KIF26B: variants seen among roughly 807,000 people sequenced by gnomAD.
The protein encoded by KIF26B is kinesin-like protein KIF26B.
Under a neutral mutation model 151.2 loss-of-function variants are expected in KIF26B, and 63 were observed. The ratio of observed to expected loss-of-function variants is 0.42; its 90% CI spans 0.34 to 0.51. The LOEUF is 0.51. KIF26B is among the 20% of genes least tolerant of loss of function. The pLI is 0.07. For synonymous variants in KIF26B, 1,357 were observed against 1,262.1 expected, an observed-to-expected ratio of 1.08 and a Z score of -1.59; for missense variants, 2,813 against 2,913.6, an observed-to-expected ratio of 0.97 and a Z score of 0.79.
chr1:245,331,128 C>T (rs1009751496), intron 2 of KIF26B, among the ~76,000 whole-genome samples: 1 of 151,960 alleles, frequency 6.6e-6, no homozygotes, highest in Non-Finnish European at 1.5e-5. Context: ...ACGTAGGGTA[C>T]GAAGGGCCTG....
intron 10 of KIF26B, 79 bp downstream of exon 10, chr1:245,646,359 G>C: frequency 6.8e-7 from 1 of 1,466,064 alleles, no homozygotes; most frequent in South Asian, 1.3e-5. Flanking sequence ...TCTGTGGAGA[G>C]GTGTGCCACA....
At chr1:245,309,175 A>G (rs1189063863) in intron 2 of KIF26B, among the ~76,000 whole-genome samples, 1 of 152,162 alleles carries the variant, frequency 6.6e-6, no homozygotes, top group African/African-American at 2.4e-5. Context: ...GATTGCCTGG[A>G]ATACCAGGGA....
intron 2 of KIF26B, among the ~76,000 whole-genome samples, chr1:245,273,403 G>A (rs1465498680): frequency 6.9e-6 from 1 of 144,088 alleles, no homozygotes; most frequent in Non-Finnish European, 1.5e-5. Context: ...GGGGAACAGA[G>A]CGAGACTTAT....
At chr1:245,362,397 G>T (rs1046715284) in intron 2 of KIF26B, among the ~76,000 whole-genome samples, 5 of 151,430 alleles carry the variant, frequency 3.3e-5, no homozygotes, top group African/African-American at 1.2e-4. Context: ...AATTAGCCGG[G>T]TGTGGTTGTG....
At position 245,244,766 on chromosome 1, in the gene KIF26B, A is replaced by ACAGACACGCACACT. The variant is rs1670287034; in HGVS notation, c.465+88085_465+88086insGACACGCACACTCA. 6.9e-6 allele frequency among the ~76,000 whole-genome samples: 1 copy of ACAGACACGCACACT among 145,356 alleles called. No homozygotes were observed. On this transcript the variant is annotated intron_variant, in intron 2 of 14. Coordinates refer to ENST00000407071, the MANE Select transcript of KIF26B (RefSeq NM_018012.4). This position sits in a 1 kb window ranked among gnomAD's most constrained non-coding sequence, Gnocchi z 4.2. ...CACAGACACGCACACTCACACACAC[A>ACAGACACGCACACT]CACACACACACACACACACACACAC... is the stretch of plus-strand genomic sequence containing the variant.
intron 3 of KIF26B, among the ~76,000 whole-genome samples, chr1:245,409,674 C>T (rs995635276): frequency 6.6e-6 from 1 of 152,196 alleles, no homozygotes; most frequent in Non-Finnish European, 1.5e-5. Context: ...AGTAATCAAA[C>T]GTCCAGCCCT....
At chr1:245,222,714 A>G (rs996292745) in intron 2 of KIF26B, among the ~76,000 whole-genome samples, 7 of 152,232 alleles carry the variant, frequency 4.6e-5, no homozygotes, top group African/African-American at 1.7e-4. Context: ...GTGGATAAAC[A>G]ATAGAGTTTT....
At chr1:245,277,579 A>G (rs1312246180) in intron 2 of KIF26B, among the ~76,000 whole-genome samples, 1 of 152,160 alleles carries the variant, frequency 6.6e-6, no homozygotes, top group Non-Finnish European at 1.5e-5. Flanking sequence ...CAAGTTTTAG[A>G]TAAGTTATTT....
intron 2 of KIF26B, among the ~76,000 whole-genome samples, chr1:245,156,958 A>G (rs1163302228): frequency 6.6e-6 from 1 of 152,150 alleles, no homozygotes; most frequent in African/African-American, 2.4e-5. Flanking sequence ...GGAGGCCCCC[A>G]GGTGGTCTCT....
intron 2 of KIF26B, among the ~76,000 whole-genome samples, chr1:245,333,829 C>T (rs1489405502): frequency 6.6e-6 from 1 of 152,128 alleles, no homozygotes; most frequent in African/African-American, 2.4e-5. Flanking sequence ...GAAACCCCAT[C>T]TCTACTAAAA....
At position 245,281,746 on chromosome 1, in the gene KIF26B, G is replaced by A. The variant is rs554860000; in HGVS notation, c.466-85088G>A. Among the ~76,000 whole-genome samples, 288 of 151,650 alleles carry A rather than the reference G, an allele frequency of 1.9e-3. 1 individual carries two copies. Among genetic ancestry groups the A allele is most frequent in the African/African-American group, 6.6e-3 (272 of 41,304 alleles). ...GGGTTTTTATGGTTTTAGGTCTAAC[G>A]TTTAAGTCTTTAATCCATCTTGAAT... On this transcript the variant is annotated intron_variant, in intron 2 of 14. Coordinates refer to ENST00000407071, the MANE Select transcript of KIF26B (RefSeq NM_018012.4).
Position 245,319,561 on chromosome 1 carries a change from A to G in KIF26B, c.466-47273A>G, listed in dbSNP as rs1671844892. On this transcript the variant is annotated intron_variant, in intron 2 of 14. Transcript: ENST00000407071. ...AAACACTGATTAAATGTTTTCCTGT[A>G]TCTGGATTACAAACTATTCCGTGAT... is the stretch of plus-strand genomic sequence containing the variant. Among the ~76,000 whole-genome samples, 4 of 151,488 alleles carry G rather than the reference A, an allele frequency of 2.6e-5. No individual in the cohort carries two copies. The South Asian group carries it at 8.3e-4, about 32-fold the overall frequency.
rs1673434177 is a variant in KIF26B, at chr1:245,382,511, G to C, written c.999+15144G>C. Among the ~76,000 whole-genome samples the C allele has an allele frequency of 2.0e-5, 3 of 151,496 alleles. No homozygotes were observed. In the South Asian group the frequency reaches 6.3e-4, roughly 32 times the overall value. On this transcript the variant is annotated intron_variant, in intron 3 of 14. Coordinates refer to ENST00000407071, the MANE Select transcript of KIF26B (RefSeq NM_018012.4). ...AAAGAAATAAATTGTTTTTGGTTCT[G>C]TACACTGTTCTAAGCACAGGTTTGT... is the stretch of plus-strand genomic sequence containing the variant.
chr1:245,586,199 T>G (rs866345044), intron 5 of KIF26B, among the ~76,000 whole-genome samples: 62 of 118,762 alleles, frequency 5.2e-4, no homozygotes, highest in African/African-American at 1.8e-3. Flanking sequence ...GTGTGTGTGT[T>G]TGTTTTAATA....
In KIF26B at chr1:245,686,324, C is replaced by T. The variant is rs771122784; in HGVS notation, c.3341C>T (p.Ala1114Val). The T allele has an allele frequency of 4.3e-6, 7 of 1,613,202 alleles. No homozygotes were observed. The South Asian group carries it at 4.4e-5, about 10-fold the overall frequency. The change falls in exon 12 of 15, where the codon GCG becomes GTG. Residue 1114 changes from alanine to valine, a missense_variant. Transcript: ENST00000407071. This position sits in a 1 kb window ranked among gnomAD's most constrained non-coding sequence, Gnocchi z 5.6. ...LPPSSKDSGV[A>V]SRESLLQPEV... ...CCCTCGAGCAAGGATTCCGGCGTGG[C>T]GTCTAGGGAGTCCTTGCTGCAGCCC...
intron 2 of KIF26B, among the ~76,000 whole-genome samples, chr1:245,205,335 TATTA>T (rs1014020686): frequency 6.6e-6 from 1 of 152,230 alleles, no homozygotes; most frequent in African/African-American, 2.4e-5. Context: ...TTCATAGTGG[TATTA>T]TCATTAAGGT....
Position 245,447,783 on chromosome 1 carries a change from A to C in KIF26B, c.1166+28038A>C, listed in dbSNP as rs950717656. On this transcript the variant is annotated intron_variant, in intron 4 of 14. Coordinates refer to ENST00000407071, the MANE Select transcript of KIF26B (RefSeq NM_018012.4). ...CAGAAGTTCCTACCCTTGTCCTAGA[A>C]ATTTCTGCATAAACTACCCCTTAAT... Among the ~76,000 whole-genome samples, 5 of 152,176 alleles carry C rather than the reference A, an allele frequency of 3.3e-5. No homozygotes were observed. In the East Asian group the frequency reaches 7.7e-4, roughly 23 times the overall value.
chr1:245,424,548 G>A (rs1658575823), intron 4 of KIF26B, among the ~76,000 whole-genome samples: 1 of 152,136 alleles, frequency 6.6e-6, no homozygotes, highest in African/African-American at 2.4e-5. Context: ...TGGAGGTCTG[G>A]GTGAACCTTG....
rs1003252254 is a variant in KIF26B, at chr1:245,563,432, G to C, written c.1350+22482G>C. 6.6e-6 allele frequency among the ~76,000 whole-genome samples: 1 copy of C among 152,084 alleles called. No individual in the cohort carries two copies. Among genetic ancestry groups the C allele is most frequent in the Admixed American group, 6.5e-5 (1 of 15,274 alleles). The stretch of plus-strand genomic sequence containing the variant: ...CTTTCGCATATACCCTCTTGCTCCC[G>C]AATCATTAAGAACTCCTGCCCATTG... On this transcript the variant is annotated intron_variant, in intron 5 of 14. Transcript: ENST00000407071. This position sits in a 1 kb window ranked among gnomAD's most constrained non-coding sequence, Gnocchi z 4.6.
Sources: allele counts gnomAD v4.1 joint callset (sites outside exome capture counted in the v4.1 genomes callset), GRCh38; gene constraint gnomAD v4.1.1; non-coding constraint Gnocchi (gnomAD v3.1); transcripts MANE v1.5; gene names NCBI Gene and HGNC (gene_info 2026-07-23, HGNC 2026-07-21).